CDH17: variants seen among roughly 807,000 people sequenced by gnomAD.
The protein encoded by CDH17 is cadherin 17, also known as cadherin-17.
Under a neutral mutation model 86.3 loss-of-function variants are expected in CDH17, and 67 were observed. The observed-to-expected ratio is 0.78, with a 90% CI of 0.64 to 0.95. The LOEUF (loss-of-function observed/expected upper bound fraction) is 0.95, where lower values mean the gene tolerates loss of function less well. CDH17 is among the 40% of genes least tolerant of loss of function. The pLI, the probability that CDH17 is intolerant of heterozygous loss-of-function variation, is 0.00. For synonymous variants in CDH17, 367 were observed against 366.4 expected, an observed-to-expected ratio of 1.00 and a Z score of -0.02; for missense variants, 993 against 1,017.6, an observed-to-expected ratio of 0.98 and a Z score of 0.33.
intron 1 of CDH17, among the ~76,000 whole-genome samples, chr8:94,200,234 G>A (rs1387428358): frequency 6.6e-6 from 1 of 152,124 alleles, no homozygotes; most frequent in Non-Finnish European, 1.5e-5. Context: ...ACCCTGGGTC[G>A]CAATGGTGCT....
intron 14 of CDH17, among the ~76,000 whole-genome samples, chr8:94,146,605 G>T (rs552483866): frequency 1.3e-5 from 2 of 152,158 alleles, no homozygotes; most frequent in Admixed American, 1.3e-4. Flanking sequence ...ATAGTAAAAG[G>T]CTCCACAGAC....
intron 1 of CDH17, 68 bp downstream of exon 1, chr8:94,208,415 C>T (rs542870331): frequency 2.0e-5 from 3 of 152,336 alleles, no homozygotes; most frequent in South Asian, 2.1e-4. Context: ...AGTGCCCTCC[C>T]CCTCCATCTA....
At chr8:94,208,667 C>A (rs1444930558), upstream of CDH17, 2 of 152,180 alleles carry the variant, frequency 1.3e-5, no homozygotes, top group African/African-American at 4.8e-5. Context: ...TCGAGAGCCA[C>A]TGGGTATCAT....
At chr8:94,172,860 CAGGAG>C (rs1487513207) in intron 7 of CDH17, among the ~76,000 whole-genome samples, 1 of 152,108 alleles carries the variant, frequency 6.6e-6, no homozygotes, top group East Asian at 1.9e-4. Flanking sequence ...GAGGCACACA[CAGGAG>C]ATAGAGTGCC....
At chr8:94,172,368 T>C (rs1813285547) in intron 7 of CDH17, among the ~76,000 whole-genome samples, 1 of 151,830 alleles carries the variant, frequency 6.6e-6, no homozygotes, top group Admixed American at 6.6e-5. Context: ...ATTCAATAAA[T>C]AAATGTCCCT....
At chr8:94,203,172 T>C (rs1294714047) in intron 1 of CDH17, 1 of 153,652 alleles carries the variant, frequency 6.5e-6, no homozygotes, top group African/African-American at 2.4e-5. Flanking sequence ...TAAGCATTGA[T>C]TTTTGTCCCC....
Position 94,146,164 on chromosome 8 carries a change from C to T in CDH17, c.1931G>A (p.Gly644Glu). The part of the protein sequence containing the change: ...RVQVVATEVG[G>E]SSLSSVSEFH... ...CTCTGACACAGAGCTCAAGGAAGAC[C>T]CCCCTAAGGAATTGAATGATTGAAA... Residue 644 changes from glycine to glutamate, a missense_variant, in exon 15 of 18, where the codon GGG becomes GAG. Gly to Glu is a moderately conservative substitution (Grantham distance 98). Transcript: ENST00000027335. 6.6e-7 allele frequency: 1 copy of T among 1,511,614 alleles called. No homozygotes were observed. Among genetic ancestry groups the T allele is most frequent in the Non-Finnish European group, 8.8e-7 (1 of 1,130,548 alleles). The allele number at this position is 1,511,614 out of a possible 1,614,324, so 93.6% of individuals were successfully genotyped here.
intron 4 of CDH17, among the ~76,000 whole-genome samples, chr8:94,177,255 G>A (rs1411184571): frequency 6.6e-6 from 1 of 152,128 alleles, no homozygotes; most frequent in East Asian, 1.9e-4. Flanking sequence ...CAATGCAACA[G>A]CCACAGGCAG....
At chr8:94,167,629 A>G (rs1813182453) in intron 9 of CDH17, among the ~76,000 whole-genome samples, 1 of 152,150 alleles carries the variant, frequency 6.6e-6, no homozygotes, top group African/African-American at 2.4e-5. Context: ...GTGTGCTGGG[A>G]TGAAAGAGTG....
intron 7 of CDH17, among the ~76,000 whole-genome samples, chr8:94,172,714 A>G (rs1813293122): frequency 6.6e-6 from 1 of 152,172 alleles, no homozygotes; most frequent in Non-Finnish European, 1.5e-5. Flanking sequence ...CATGTGGAGG[A>G]ATTTCCTGGG....
intron 5 of CDH17, 137 bp downstream of exon 5, chr8:94,176,404 A>G: frequency 3.3e-6 from 3 of 902,356 alleles, no homozygotes; most frequent in Non-Finnish European, 5.2e-6. Flanking sequence ...ATAGTGAAAC[A>G]ACTCCCAAAT....
At chr8:94,148,541 CAAAAAAAAAAAAA>C (rs59942237) in intron 14 of CDH17, among the ~76,000 whole-genome samples, 190 bp downstream of exon 14, 4 of 29,202 alleles carry the variant, frequency 1.4e-4, no homozygotes, top group Admixed American at 6.1e-4. Context: ...GACTCCATCT[CAAAAAAAAAAAAA>C]AAAAAAAAAA....
At chr8:94,134,959 A>T (rs1337686374) in intron 15 of CDH17, among the ~76,000 whole-genome samples, 5 of 152,080 alleles carry the variant, frequency 3.3e-5, no homozygotes, top group Non-Finnish European at 7.4e-5. Flanking sequence ...GTTTCCATGT[A>T]GTTGTGTGGT....
chr8:94,160,839 G>A (rs1813037760), intron 11 of CDH17, among the ~76,000 whole-genome samples: 2 of 152,152 alleles, frequency 1.3e-5, no homozygotes, highest in East Asian at 1.9e-4. Flanking sequence ...CTCCACTTAC[G>A]AGGAGCAAAG....
chr8:94,202,936 C>T (rs113111781), intron 1 of CDH17: 814 of 325,522 alleles, frequency 2.5e-3, no homozygotes, highest in Admixed American at 4.6e-3. Flanking sequence ...TTTGGGCTTC[C>T]CCTTCTTGGG....
At chr8:94,161,503 C>T (rs552714828) in intron 11 of CDH17, among the ~76,000 whole-genome samples, 2 of 152,204 alleles carry the variant, frequency 1.3e-5, no homozygotes, top group Non-Finnish European at 2.9e-5. Flanking sequence ...CAAGTCTGAA[C>T]GCCCTATCGA....
chr8:94,214,076 G>A (rs899310811), intron 1 of CDH17, among the ~76,000 whole-genome samples: 5 of 152,000 alleles, frequency 3.3e-5, no homozygotes, highest in African/African-American at 7.3e-5. Context: ...CCACAACTTC[G>A]CCAAGGTGTC....
At chr8:94,171,102 T>C (rs1390043705) in intron 7 of CDH17, 117 bp from the exon 8 acceptor site, 98 of 1,069,498 alleles carry the variant, frequency 9.2e-5, no homozygotes, top group Non-Finnish European at 1.3e-4. Context: ...GTTTGTGGTT[T>C]CTTGTAACAA....
intron 3 of CDH17, among the ~76,000 whole-genome samples, chr8:94,184,247 C>A (rs1813535880): frequency 6.6e-6 from 1 of 151,638 alleles, no homozygotes; most frequent in South Asian, 2.1e-4. Flanking sequence ...CCAAGAGAAT[C>A]AAAAACATGT....
Sources: allele counts gnomAD v4.1 joint callset (sites outside exome capture counted in the v4.1 genomes callset), GRCh38; gene constraint gnomAD v4.1.1; transcripts MANE v1.5; gene names NCBI Gene and HGNC (gene_info 2026-07-23, HGNC 2026-07-21).